The following MGAT4C variants were observed in gnomAD, a reference collection of about 807,000 sequenced individuals.
MGAT4C encodes alpha-1,3-mannosyl-glycoprotein 4-beta-N-acetylglucosaminyltransferase C.
In MGAT4C, 19 loss-of-function variants were observed where a neutral mutation model predicts 40.1. The observed-to-expected ratio is 0.47, with a 90% CI of 0.33 to 0.70. MGAT4C has a LOEUF of 0.70. MGAT4C is among the 30% of genes least tolerant of loss of function. The pLI, the probability that MGAT4C is intolerant of heterozygous loss-of-function variation, is 0.02. For missense variants in MGAT4C, 491 were observed against 563.2 expected (o/e 0.87, Z 1.30); for synonymous variants, 181 against 187.1 (o/e 0.97, Z 0.27).
intron 4 of MGAT4C, among the ~76,000 whole-genome samples, chr12:86,321,515 A>G (rs1263112198): frequency 6.6e-6 from 1 of 152,198 alleles, no homozygotes; most frequent in Non-Finnish European, 1.5e-5. Context: ...TTTAAGAGCT[A>G]ATGAGTAAAC....
intron 2 of MGAT4C, among the ~76,000 whole-genome samples, chr12:86,494,235 T>C (rs1293966689): frequency 6.6e-6 from 1 of 152,052 alleles, no homozygotes; most frequent in East Asian, 1.9e-4. Context: ...GTAATTTTGA[T>C]GAAGTGAAGT....
At chr12:86,073,789 C>T (rs1293277839) in intron 1 of MGAT4C, among the ~76,000 whole-genome samples, 2 of 152,146 alleles carry the variant, frequency 1.3e-5, no homozygotes, top group African/African-American at 2.4e-5. Flanking sequence ...ATTACAGGCT[C>T]ATAGGTGGAA....
chr12:86,458,232 C>T (rs185638839), intron 2 of MGAT4C, among the ~76,000 whole-genome samples: 1 of 151,992 alleles, frequency 6.6e-6, no homozygotes, highest in South Asian at 2.1e-4. Flanking sequence ...CTAAGCCATG[C>T]CTGATTTTTA....
intron 2 of MGAT4C, among the ~76,000 whole-genome samples, chr12:86,564,819 T>G (rs573925634): frequency 1.0e-3 from 157 of 152,274 alleles, no homozygotes; most frequent in African/African-American, 3.6e-3. Flanking sequence ...AGTTTTGAGT[T>G]GGGTCTAGAA....
chr12:86,088,058 C>A (rs1402746066), intron 1 of MGAT4C, among the ~76,000 whole-genome samples: 1 of 151,796 alleles, frequency 6.6e-6, no homozygotes. Flanking sequence ...CAGAACAGAA[C>A]CCAGAAATAA....
intron 1 of MGAT4C, among the ~76,000 whole-genome samples, chr12:86,771,378 T>C (rs1951632406): frequency 1.3e-5 from 2 of 152,136 alleles, no homozygotes; most frequent in South Asian, 2.1e-4. Flanking sequence ...AATTGGGTTT[T>C]ATGTAGAGGC....
chr12:86,408,479 C>CTCTCTCTCTCTCTCTATATATA (rs1267344319), intron 3 of MGAT4C, among the ~76,000 whole-genome samples: 4 of 63,342 alleles, frequency 6.3e-5, no homozygotes, highest in African/African-American at 3.1e-4. Context: ...CTCTCTCTCT[C>CTCTCTCTCTCTCTCTATATATA]TATATATATA....
At chr12:86,073,468 CAGA>C (rs2137043819) in intron 1 of MGAT4C, among the ~76,000 whole-genome samples, 2 of 152,204 alleles carry the variant, frequency 1.3e-5, no homozygotes, top group African/African-American at 4.8e-5. Flanking sequence ...TTGGAGAGCC[CAGA>C]AGAAGACAGG....
rs1475700244 is a variant in MGAT4C at position 86,803,297 on chromosome 12, A to C, written c.-262+35369T>G. Among the ~76,000 whole-genome samples the C allele has an allele frequency of 3.3e-5, 5 of 151,384 alleles. No individual in the cohort carries two copies. In the East Asian group the frequency reaches 5.8e-4, roughly 18 times the overall value. ...GATTAAAGATTTAAACGTTAGACCT[A>C]AAACCATAAAAACCCTAGAAGAAAA... On this transcript the variant is annotated intron_variant, in intron 1 of 7. Coordinates refer to the MGAT4C transcript ENST00000548651.
chr12:86,085,632 T>C (rs563749602), intron 1 of MGAT4C, among the ~76,000 whole-genome samples: 3 of 152,166 alleles, frequency 2.0e-5, no homozygotes, highest in Admixed American at 2.0e-4. Flanking sequence ...ATTGTTTCAA[T>C]GTATCCATTT....
At chr12:86,014,943 G>C (rs1314645474) in intron 2 of MGAT4C, among the ~76,000 whole-genome samples, 1 of 150,880 alleles carries the variant, frequency 6.6e-6, no homozygotes, top group African/African-American at 2.4e-5. Flanking sequence ...CACCATACCC[G>C]GCTAATTTTT....
chr12:86,242,834 T>TC (rs1359433627), intron 1 of MGAT4C, among the ~76,000 whole-genome samples: 2 of 151,888 alleles, frequency 1.3e-5, no homozygotes, highest in Non-Finnish European at 2.9e-5. Flanking sequence ...ACCTCCCAGC[T>TC]CCCTATGGGC....
chr12:86,141,196 C>T (rs1882791569), intron 1 of MGAT4C, among the ~76,000 whole-genome samples: 1 of 152,136 alleles, frequency 6.6e-6, no homozygotes, highest in Non-Finnish European at 1.5e-5. Context: ...TTGAATGCCT[C>T]TGAGATTTGG....
At chr12:86,497,809 G>A (rs1958265161) in intron 2 of MGAT4C, among the ~76,000 whole-genome samples, 1 of 149,342 alleles carries the variant, frequency 6.7e-6, no homozygotes, top group East Asian at 2.0e-4. Flanking sequence ...ACCTTCAATT[G>A]CTATAGCTCT....
chr12:86,274,009 C>T (rs143613170), intron 4 of MGAT4C, among the ~76,000 whole-genome samples: 1 of 152,286 alleles, frequency 6.6e-6, no homozygotes, highest in Non-Finnish European at 1.5e-5. Context: ...ATGCTGGCAT[C>T]TGCTCAGCTC....
intron 1 of MGAT4C, among the ~76,000 whole-genome samples, chr12:86,170,436 T>C (rs969914448): frequency 6.6e-6 from 1 of 152,168 alleles, no homozygotes; most frequent in African/African-American, 2.4e-5. Context: ...ATTAACACAT[T>C]GTTAATGTTA....
intron 1 of MGAT4C, among the ~76,000 whole-genome samples, chr12:86,226,468 G>T (rs1951079601): frequency 6.6e-6 from 1 of 151,688 alleles, no homozygotes; most frequent in Admixed American, 6.6e-5. Flanking sequence ...ACCCCCCACT[G>T]GTAAAACTTA....
chr12:86,575,961 T>G (rs981095953), intron 2 of MGAT4C, among the ~76,000 whole-genome samples: 1 of 151,884 alleles, frequency 6.6e-6, no homozygotes, highest in African/African-American at 2.4e-5. Flanking sequence ...ACGTACAATG[T>G]CCCCATTTAC....
At chr12:86,718,977 A>C (rs1051115461) in intron 2 of MGAT4C, among the ~76,000 whole-genome samples, 1 of 152,166 alleles carries the variant, frequency 6.6e-6, no homozygotes, top group African/African-American at 2.4e-5. Context: ...TACGTTCTTA[A>C]AGAGACAATG....
Sources: allele counts gnomAD v4.1 joint callset (sites outside exome capture counted in the v4.1 genomes callset), GRCh38; gene constraint gnomAD v4.1.1; transcripts MANE v1.5; gene names NCBI Gene and HGNC (gene_info 2026-07-23, HGNC 2026-07-21).